CNTNAP4: variants seen among roughly 807,000 people sequenced by gnomAD.
CNTNAP4 encodes contactin-associated protein-like 4.
CNTNAP4 carries 98 observed loss-of-function variants against 148.4 expected under a neutral mutation model. That is an observed-to-expected ratio of 0.66 (90% CI 0.56 to 0.78). CNTNAP4 has a LOEUF of 0.78. Ranked by LOEUF, CNTNAP4 falls within the 30% of genes least tolerant of loss-of-function variation. CNTNAP4 has a pLI of 0.00. For missense variants in CNTNAP4, 1,935 were observed against 1,565.6 expected (o/e 1.24, Z -3.98); for synonymous variants, 730 against 565.1 (o/e 1.29, Z -4.14).
chr16:76,471,283 G>A (rs2081364604), intron 10 of CNTNAP4, among the ~76,000 whole-genome samples: 2 of 152,186 alleles, frequency 1.3e-5, no homozygotes, highest in African/African-American at 4.8e-5. Context: ...TGTGAGTGGG[G>A]CTGGGGCAGG....
intron 3 of CNTNAP4, among the ~76,000 whole-genome samples, chr16:76,371,569 G>A (rs1278143886): frequency 2.6e-5 from 4 of 152,166 alleles, no homozygotes; most frequent in Non-Finnish European, 5.9e-5. Flanking sequence ...ACAGGCATGA[G>A]CCACCACACC....
intron 1 of CNTNAP4, among the ~76,000 whole-genome samples, chr16:76,292,619 C>G (rs1959159691): frequency 6.6e-6 from 1 of 152,132 alleles, no homozygotes; most frequent in African/African-American, 2.4e-5. Flanking sequence ...ATGGGTAGGA[C>G]CTCCTAACTG....
chr16:76,412,646 G>A (rs552353177), intron 3 of CNTNAP4, among the ~76,000 whole-genome samples: 18 of 149,776 alleles, frequency 1.2e-4, no homozygotes, highest in African/African-American at 4.1e-4. Context: ...CAAATATTTC[G>A]TAGATTTGTT....
At chr16:76,410,653 A>G (rs998168563) in intron 3 of CNTNAP4, among the ~76,000 whole-genome samples, 2 of 151,744 alleles carry the variant, frequency 1.3e-5, no homozygotes, top group African/African-American at 4.8e-5. Flanking sequence ...ATTATTACTA[A>G]ATAAAATACT....
chr16:76,337,554 G>C (rs895507149), intron 2 of CNTNAP4, among the ~76,000 whole-genome samples: 5 of 152,104 alleles, frequency 3.3e-5, no homozygotes, highest in Non-Finnish European at 7.4e-5. Context: ...GGTGAAATTA[G>C]AATTATTGAT....
intron 3 of CNTNAP4, among the ~76,000 whole-genome samples, chr16:76,414,902 G>C (rs1008792951): frequency 1.3e-5 from 2 of 150,926 alleles, no homozygotes; most frequent in Non-Finnish European, 3.0e-5. Flanking sequence ...TTCTTTCCCA[G>C]ATCAATCCTA....
intron 4 of CNTNAP4, among the ~76,000 whole-genome samples, chr16:76,429,279 C>T (rs1189823526): frequency 6.6e-6 from 1 of 152,152 alleles, no homozygotes; most frequent in Non-Finnish European, 1.5e-5. Flanking sequence ...TAGAGCTTAG[C>T]AAAGCTCATG....
chr16:76,398,883 G>A (rs2144822922), intron 3 of CNTNAP4, among the ~76,000 whole-genome samples: 1 of 151,928 alleles, frequency 6.6e-6, no homozygotes, highest in African/African-American at 2.4e-5. Flanking sequence ...ATATGGTTTG[G>A]CTGTGTCCTC....
At chr16:76,326,231 A>C (rs1296523420) in intron 2 of CNTNAP4, among the ~76,000 whole-genome samples, 1 of 152,210 alleles carries the variant, frequency 6.6e-6, no homozygotes, top group Non-Finnish European at 1.5e-5. Flanking sequence ...TCTAAACAAA[A>C]TACTAGCGTA....
intron 4 of CNTNAP4, among the ~76,000 whole-genome samples, chr16:76,439,115 C>G (rs565914927): frequency 1.3e-5 from 2 of 152,084 alleles, no homozygotes; most frequent in Non-Finnish European, 2.9e-5. Context: ...GATGGAGCAT[C>G]CTTGAGGCCA....
At chr16:76,322,454 T>C (rs1356908330) in intron 2 of CNTNAP4, among the ~76,000 whole-genome samples, 1 of 152,238 alleles carries the variant, frequency 6.6e-6, no homozygotes, top group Admixed American at 6.5e-5. Context: ...AAAAGTTTAG[T>C]TGAAGAGCGA....
At position 76,316,489 on chromosome 16, in the gene CNTNAP4, T is replaced by C; in HGVS notation, c.162T>C (p.His54=). ...GTTCTTCCGAGCTCTCCAGCAGTCATGGTCCTGGATTTGCAAGGCTGAATA... is the reference window on the plus strand; with the variant it reads ...GTTCTTCCGAGCTCTCCAGCAGTCACGGTCCTGGATTTGCAAGGCTGAATA... ...FSSSSELSSS[H]GPGFARLNRR... is the part of the protein sequence containing the mutation. The change falls in exon 2 of 24, where the codon CAT becomes CAC. Residue 54 remains histidine, a synonymous_variant. Transcript: ENST00000611870. 2 of 1,613,864 alleles carry C rather than the reference T, an allele frequency of 1.2e-6. No homozygotes were observed. The highest frequency in any genetic ancestry group is 1.7e-6 in the Non-Finnish European group (2 of 1,179,760).
intron 23 of CNTNAP4, among the ~76,000 whole-genome samples, chr16:76,555,479 A>G (rs553572027): frequency 6.6e-5 from 10 of 152,222 alleles, no homozygotes; most frequent in Non-Finnish European, 8.8e-5. Flanking sequence ...CCAAGAGTTT[A>G]AGCTAGAATT....
chr16:76,367,609 G>C (rs1011384306), intron 3 of CNTNAP4, among the ~76,000 whole-genome samples: 7 of 152,108 alleles, frequency 4.6e-5, no homozygotes, highest in African/African-American at 1.4e-4. Flanking sequence ...TATTTACTTA[G>C]ATTTAAAAAT....
intron 3 of CNTNAP4, among the ~76,000 whole-genome samples, chr16:76,387,324 GAT>G (rs1237107715): frequency 6.6e-6 from 1 of 152,186 alleles, no homozygotes; most frequent in Non-Finnish European, 1.5e-5. Context: ...GACTGGAACT[GAT>G]ATTTTGAGAG....
intron 1 of CNTNAP4, among the ~76,000 whole-genome samples, chr16:76,295,259 A>G (rs1000577675): frequency 1.7e-4 from 26 of 152,206 alleles, no homozygotes; most frequent in African/African-American, 6.3e-4. Flanking sequence ...CGAGGTCCAC[A>G]AAAGCATGGA....
chr16:76,342,767 C>T (rs1323700206), intron 2 of CNTNAP4, among the ~76,000 whole-genome samples: 1 of 152,154 alleles, frequency 6.6e-6, no homozygotes, highest in Non-Finnish European at 1.5e-5. Context: ...GAACTCTGAA[C>T]ATATATTTCA....
chr16:76,381,383 C>T (rs988626187), intron 3 of CNTNAP4, among the ~76,000 whole-genome samples: 2 of 152,110 alleles, frequency 1.3e-5, no homozygotes, highest in African/African-American at 2.4e-5. Flanking sequence ...CTCTGAGAGA[C>T]ACATGGCTCT....
At chr16:76,402,421 T>C (rs1049880044) in intron 3 of CNTNAP4, among the ~76,000 whole-genome samples, 1 of 152,016 alleles carries the variant, frequency 6.6e-6, no homozygotes, top group African/African-American at 2.4e-5. Context: ...TTGTGTTTAT[T>C]TGGATCTTCT....
Sources: gnomAD v4.1 joint callset for allele counts (sites outside exome capture counted in the v4.1 genomes callset) on GRCh38, gnomAD v4.1.1 for gene constraint, MANE v1.5 for transcripts, NCBI Gene and HGNC (gene_info 2026-07-23, HGNC 2026-07-21) for gene names.